SYCP1: variants seen among roughly 807,000 people sequenced by gnomAD.
SYCP1 encodes the protein cancer/testis antigen 8.
In SYCP1, 64 loss-of-function variants were observed where a neutral mutation model predicts 153.1. That is an observed-to-expected ratio of 0.42 (90% CI 0.34 to 0.51). The LOEUF is 0.51. SYCP1 is among the 20% of genes least tolerant of loss of function. SYCP1 has a pLI of 0.06. For missense variants in SYCP1, 997 were observed against 1,049.0 expected, an observed-to-expected ratio of 0.95 and a Z score of 0.68; for synonymous variants, 384 against 341.8, an observed-to-expected ratio of 1.12 and a Z score of -1.36.
chr1:114,929,941 G>A (rs1557809382), intron 23 of SYCP1, among the ~76,000 whole-genome samples: 1 of 152,012 alleles, frequency 6.6e-6, no homozygotes, highest in African/African-American at 2.4e-5. Flanking sequence ...TACATGCTGA[G>A]CCATAAACAA....
chr1:114,992,757 G>A (rs556961356), intron 30 of SYCP1, among the ~76,000 whole-genome samples: 16 of 151,360 alleles, frequency 1.1e-4, no homozygotes, highest in East Asian at 9.8e-4. Context: ...CAAAAGCACA[G>A]GTAATGAAAG....
At chr1:114,965,240 G>A (rs1345544210) in intron 27 of SYCP1, among the ~76,000 whole-genome samples, 1 of 152,168 alleles carries the variant, frequency 6.6e-6, no homozygotes, top group Admixed American at 6.5e-5. Context: ...TTGCTTATCA[G>A]CTTAAGGAGT....
chr1:114,857,770 C>T (rs1167017563), intron 5 of SYCP1, among the ~76,000 whole-genome samples: 1 of 152,070 alleles, frequency 6.6e-6, no homozygotes, highest in South Asian at 2.1e-4. Flanking sequence ...TTTACAAAAT[C>T]AGCCTTTAAT....
chr1:114,910,080 T>C (rs1048695702), intron 16 of SYCP1: 5 of 164,122 alleles, frequency 3.0e-5, no homozygotes, highest in African/African-American at 4.8e-5. Context: ...TATAAAATCA[T>C]TGTGATGTCA....
intron 23 of SYCP1, among the ~76,000 whole-genome samples, chr1:114,942,144 G>T (rs938759336): frequency 6.6e-6 from 1 of 151,982 alleles, no homozygotes; most frequent in Admixed American, 6.6e-5. Context: ...AGTATTAAAA[G>T]TATCTGGAGA....
chr1:114,901,410 C>A, intron 16 of SYCP1, among the ~76,000 whole-genome samples: 1 of 152,140 alleles, frequency 6.6e-6, no homozygotes, highest in Non-Finnish European at 1.5e-5. Flanking sequence ...TTTAGTTGGG[C>A]CAAGCTACCA....
At chr1:114,875,253 T>C (rs1329706774) in intron 9 of SYCP1, among the ~76,000 whole-genome samples, 4 of 150,338 alleles carry the variant, frequency 2.7e-5, no homozygotes, top group African/African-American at 9.8e-5. Flanking sequence ...GGGTAGAGAC[T>C]TTGTCTTCTT....
rs116117996 is a variant in SYCP1 at position 114,870,907 on chromosome 1, T to G, written c.599-3599T>G. 5.0e-3 allele frequency among the ~76,000 whole-genome samples: 761 copies of G among 152,318 alleles called. 1 individual carries two copies. Among genetic ancestry groups the G allele is most frequent in the Non-Finnish European group, 9.3e-3 (631 of 68,022 alleles). On this transcript the variant is annotated intron_variant, in intron 8 of 31. Transcript: ENST00000369522. ...TTATCTACCACATTTATTACTGTTT[T>G]TCTATTTGTTGTCCTGTTCTTTGTT...
At chr1:114,890,655 G>A (rs1220806516) in intron 15 of SYCP1, among the ~76,000 whole-genome samples, 2 of 152,104 alleles carry the variant, frequency 1.3e-5, no homozygotes, top group Non-Finnish European at 2.9e-5. Flanking sequence ...TGTGTAGGAA[G>A]GTAGCATTAA....
rs1394920558 is a variant in SYCP1 at position 114,876,092 on chromosome 1, A to G, written c.681A>G (p.Glu227=). The G allele has an allele frequency of 1.9e-6, 3 of 1,583,176 alleles. No homozygotes were observed. Among genetic ancestry groups the G allele is most frequent in the South Asian group, 2.3e-5 (2 of 85,196 alleles). ...AGAAAATGATAACAGCTTTTGAGGA[A>G]CTTCGTGTGCAAGCTGAGAATTCCA... ...NIEKMITAFE[E]LRVQAENSRL... The change falls in exon 10 of 32, where the codon GAA becomes GAG. Residue 227 remains glutamate, a synonymous_variant. Coordinates refer to ENST00000369522, the MANE Select transcript of SYCP1 (RefSeq NM_003176.4).
intron 8 of SYCP1, among the ~76,000 whole-genome samples, chr1:114,871,861 C>T (rs1474688927): frequency 6.6e-6 from 1 of 152,194 alleles, no homozygotes; most frequent in Non-Finnish European, 1.5e-5. Context: ...GCTGGGATTA[C>T]AGGTGTGAGC....
At chr1:114,895,979 T>C (rs1667035106) in intron 16 of SYCP1, among the ~76,000 whole-genome samples, 1 of 152,170 alleles carries the variant, frequency 6.6e-6, no homozygotes, top group Admixed American at 6.5e-5. Context: ...GACTAGATAG[T>C]AAATATTTTA....
intron 23 of SYCP1, among the ~76,000 whole-genome samples, chr1:114,939,414 A>T (rs1670243618): frequency 6.6e-6 from 1 of 152,236 alleles, no homozygotes; most frequent in Non-Finnish European, 1.5e-5. Context: ...TTAAGAAGAG[A>T]CTGGATAAAC....
rs145518929 is a variant in SYCP1 at position 114,946,666 on chromosome 1, A to G, written c.2247+285A>G. On this transcript the variant is annotated intron_variant, in intron 26 of 31. Transcript: ENST00000369522. ...AGGAGGGTGGGATAAACTGGGAGAG[A>G]ACGAGGAGAGATATACTTTGTGTTG... 1.0e-3 allele frequency among the ~76,000 whole-genome samples: 157 copies of G among 152,262 alleles called. 2 individuals are homozygous for G. The highest frequency in any genetic ancestry group is 3.7e-3 in the African/African-American group (152 of 41,536).
intron 1 of SYCP1, 107 bp from the exon 2 acceptor site, chr1:114,855,334 T>A (rs1663861779): frequency 5.5e-6 from 3 of 548,758 alleles, no homozygotes. Flanking sequence ...GATTCCTTTT[T>A]TTTTAGCCAT....
chr1:114,873,139 C>T (rs917032296), intron 8 of SYCP1, among the ~76,000 whole-genome samples: 1 of 152,112 alleles, frequency 6.6e-6, no homozygotes, highest in Non-Finnish European at 1.5e-5. Context: ...TTCTGACATC[C>T]TTAACTGTAT....
chr1:114,918,169 A>G (rs570199517), intron 20 of SYCP1, among the ~76,000 whole-genome samples: 1 of 152,114 alleles, frequency 6.6e-6, no homozygotes, highest in South Asian at 2.1e-4. Flanking sequence ...ATATATGGCA[A>G]GAGATAGGGG....
intron 29 of SYCP1, among the ~76,000 whole-genome samples, chr1:114,982,747 CTT>C (rs1328006769): frequency 6.6e-6 from 1 of 151,682 alleles, no homozygotes; most frequent in Non-Finnish European, 1.5e-5. Context: ...GTTGTTTGTT[CTT>C]TTACTTTTCT....
In SYCP1 at chr1:114,977,586, C is replaced by A; in HGVS notation, c.2352C>A (p.Asn784Lys). ...KEKLKREAKE[N>K]TATLKEKKDK... ...AACTCAAAAGAGAGGCAAAAGAAAACACAGCTACTCTTAAAGAAAAAAAAG... is the reference window on the plus strand; with the variant it reads ...AACTCAAAAGAGAGGCAAAAGAAAAAACAGCTACTCTTAAAGAAAAAAAAG... Residue 784 changes from asparagine to lysine, a missense_variant, in exon 28 of 32, where the codon AAC becomes AAA. Around this residue, in one of 2 missense-constraint regions of SYCP1, gnomAD observed 712 missense variants for 682.9 expected, o/e 1.04. Transcript: ENST00000369522. 6.7e-7 allele frequency: 1 copy of A among 1,501,686 alleles called. No individual in the cohort carries two copies. Among genetic ancestry groups the A allele is most frequent in the Non-Finnish European group, 8.9e-7 (1 of 1,119,786 alleles). 93.0% of individuals were successfully genotyped at this position (1,501,686 alleles called of 1,614,324 possible). A position where few individuals can be genotyped will look rare whatever the true frequency, so the allele number is the denominator to read the frequency against.
Sources: allele counts gnomAD v4.1 joint callset (sites outside exome capture counted in the v4.1 genomes callset), GRCh38; gene constraint gnomAD v4.1.1; regional missense constraint gnomAD v4.1.1; transcripts MANE v1.5; gene names NCBI Gene and HGNC (gene_info 2026-07-23, HGNC 2026-07-21).